Variants in ERBB4 observed in about 807,000 individuals in gnomAD.
ERBB4 encodes erb-b2 receptor tyrosine kinase 4.
Under a neutral mutation model 158.0 loss-of-function variants are expected in ERBB4, and 42 were observed. The observed-to-expected ratio is 0.27, with a 90% CI of 0.21 to 0.34. ERBB4 has a LOEUF of 0.34. ERBB4 is among the 10% of genes least tolerant of loss of function. The pLI is 1.00. For missense variants in ERBB4, 1,333 were observed against 1,624.1 expected (o/e 0.82, Z 3.08); for synonymous variants, 583 against 558.7 (o/e 1.04, Z -0.61).
chr2:212,445,092 G>C (rs62186286), intron 1 of ERBB4, among the ~76,000 whole-genome samples: 32,592 of 151,722 alleles, frequency 0.21, 3,751 homozygotes, highest in Non-Finnish European at 0.25. Flanking sequence ...GGAATTCACT[G>C]GTCTTACCAT....
chr2:212,530,576 G>T (rs1305603602), intron 1 of ERBB4, among the ~76,000 whole-genome samples: 1 of 152,068 alleles, frequency 6.6e-6, no homozygotes, highest in Non-Finnish European at 1.5e-5. Context: ...GCCACTTATT[G>T]CTCAAGTCAC....
At chr2:212,391,713 G>C (rs2090872096) in intron 1 of ERBB4, among the ~76,000 whole-genome samples, 1 of 123,862 alleles carries the variant, frequency 8.1e-6, no homozygotes, top group Non-Finnish European at 1.6e-5. Flanking sequence ...TATATATATT[G>C]ACATATATAT....
At chr2:212,488,057 T>C (rs979250914) in intron 1 of ERBB4, among the ~76,000 whole-genome samples, 1 of 152,172 alleles carries the variant, frequency 6.6e-6, no homozygotes, top group Non-Finnish European at 1.5e-5. Context: ...TCCTCTGAAA[T>C]GTGGCTTCTA....
At chr2:212,069,619 A>G (rs2078051526) in intron 2 of ERBB4, among the ~76,000 whole-genome samples, 1 of 152,094 alleles carries the variant, frequency 6.6e-6, no homozygotes, top group African/African-American at 2.4e-5. Flanking sequence ...GATTGGAATG[A>G]AGAAGAAAAG....
Position 211,383,242 on chromosome 2 carries a change from T to TAAA in ERBB4, c.*370_*372dup, listed in dbSNP as rs878944435. Reference sequence around the variant, plus strand: ...GCATGGGTGTTTCAACCATCTGCTTTAAAAAAAAAAAAAAAAAAGAAGAGG... The same window carrying TAAA: ...GCATGGGTGTTTCAACCATCTGCTTTAAAAAAAAAAAAAAAAAAAAAGAAGAGG... On this transcript the variant is annotated 3_prime_UTR_variant, in exon 28 of 28. Coordinates refer to ENST00000342788, the MANE Select transcript of ERBB4 (RefSeq NM_005235.3). The TAAA allele has an allele frequency of 3.3e-4, 71 of 216,660 alleles. No individual in the cohort carries two copies. Among genetic ancestry groups the TAAA allele is most frequent in the African/African-American group, 1.5e-3 (53 of 34,310 alleles). 13.4% of individuals were successfully genotyped at this position (216,660 alleles called of 1,614,324 possible). A position where few individuals can be genotyped will look rare whatever the true frequency, so the allele number is the denominator to read the frequency against.
At chr2:212,377,127 G>A (rs1434651433) in intron 1 of ERBB4, among the ~76,000 whole-genome samples, 2 of 151,030 alleles carry the variant, frequency 1.3e-5, no homozygotes, top group East Asian at 1.9e-4. Flanking sequence ...TAGCTCTTAC[G>A]TGATACTGTA....
In ERBB4 at chr2:211,428,487, T is replaced by C. The variant is rs773220688; in HGVS notation, c.2644-4A>G. 2.3e-5 allele frequency: 35 copies of C among 1,498,408 alleles called. No homozygotes were observed. In the Middle Eastern group the frequency reaches 1.0e-3, roughly 44 times the overall value. The allele number at this position is 1,498,408 out of a possible 1,614,324, so 92.8% of individuals were successfully genotyped here. A position where few individuals can be genotyped will look rare whatever the true frequency, so the allele number is the denominator to read the frequency against. On this transcript the variant is annotated splice_polypyrimidine_tract_variant and splice_region_variant and intron_variant, in intron 21 of 27. Coordinates refer to ENST00000342788, the MANE Select transcript of ERBB4 (RefSeq NM_005235.3). Reference sequence around the variant, plus strand: ...GAGCCATCCATTTAATTGGCATCTATAGAGAAGTAAGAAGTAAAAGTTTTA... The same window carrying C: ...GAGCCATCCATTTAATTGGCATCTACAGAGAAGTAAGAAGTAAAAGTTTTA...
intron 1 of ERBB4, among the ~76,000 whole-genome samples, chr2:212,465,476 A>G (rs945696649): frequency 6.6e-6 from 1 of 152,196 alleles, no homozygotes; most frequent in Non-Finnish European, 1.5e-5. Flanking sequence ...TATAATTTAC[A>G]AAGTGTTTTC....
intron 3 of ERBB4, among the ~76,000 whole-genome samples, chr2:211,866,900 G>T (rs975823542): frequency 4.6e-5 from 7 of 151,392 alleles, no homozygotes; most frequent in African/African-American, 1.7e-4. Context: ...AAAAAAGGGG[G>T]ACCTCCTCTT....
At chr2:211,866,173 C>A (rs2078201472) in intron 3 of ERBB4, among the ~76,000 whole-genome samples, 1 of 152,090 alleles carries the variant, frequency 6.6e-6, no homozygotes, top group Non-Finnish European at 1.5e-5. Flanking sequence ...ATCGCCTGTA[C>A]CCGGGAGGCG....
intron 3 of ERBB4, among the ~76,000 whole-genome samples, chr2:211,801,687 TAA>T (rs1425460668): frequency 6.6e-6 from 1 of 152,094 alleles, no homozygotes; most frequent in Non-Finnish European, 1.5e-5. Context: ...TAAAGTAAAA[TAA>T]GAGAAAATAT....
At chr2:212,158,216 A>G (rs1411485488) in intron 1 of ERBB4, among the ~76,000 whole-genome samples, 2 of 151,988 alleles carry the variant, frequency 1.3e-5, no homozygotes, top group Non-Finnish European at 2.9e-5. Flanking sequence ...CAAATGCAAA[A>G]ATAGAAGTGA....
chr2:212,503,535 A>G (rs1575042228), intron 1 of ERBB4, among the ~76,000 whole-genome samples: 1 of 152,160 alleles, frequency 6.6e-6, no homozygotes, highest in South Asian at 2.1e-4. Context: ...ACTTTTTGTT[A>G]CCAAATTCAG....
chr2:211,619,071 A>G, intron 19 of ERBB4, 106 bp downstream of exon 19: 2 of 721,262 alleles, frequency 2.8e-6, no homozygotes, highest in Non-Finnish European at 2.5e-6. Flanking sequence ...ATATTTCCAT[A>G]AGAGAAATTT....
chr2:211,651,526 T>C (rs906703914), intron 16 of ERBB4, among the ~76,000 whole-genome samples: 2 of 152,212 alleles, frequency 1.3e-5, no homozygotes, highest in African/African-American at 4.8e-5. Context: ...TTTGCAGATG[T>C]AATTAAGGTC....
intron 1 of ERBB4, among the ~76,000 whole-genome samples, chr2:212,385,453 C>G (rs1415989896): frequency 6.6e-6 from 1 of 151,750 alleles, no homozygotes; most frequent in African/African-American, 2.4e-5. Flanking sequence ...TGTGAGTCAA[C>G]ATCCCATTCA....
chr2:212,533,915 T>C lies in ERBB4; in HGVS notation c.82+4534A>G, dbSNP rs371507681. Among the ~76,000 whole-genome samples the C allele has an allele frequency of 1.2e-4, 19 of 152,290 alleles. 1 individual carries two copies. Among genetic ancestry groups the C allele is most frequent in the African/African-American group, 3.6e-4 (15 of 41,584 alleles). On this transcript the variant is annotated intron_variant, in intron 1 of 27. Coordinates refer to ENST00000342788, the MANE Select transcript of ERBB4 (RefSeq NM_005235.3). ...TAGAACAGATGTAGGCTTGAACCTC[T>C]AAAAACTAATTTCAGTACAAATATT...
intron 1 of ERBB4, among the ~76,000 whole-genome samples, chr2:212,381,100 T>A (rs1039506779): frequency 1.3e-5 from 2 of 151,416 alleles, no homozygotes; most frequent in Non-Finnish European, 3.0e-5. Flanking sequence ...AGATTTAAAT[T>A]AATTATTGCT....
intron 3 of ERBB4, among the ~76,000 whole-genome samples, chr2:211,839,185 GAGGAGGAGGGAAA>G (rs1291728791): frequency 7.6e-6 from 1 of 132,308 alleles, no homozygotes; most frequent in Admixed American, 7.4e-5. Flanking sequence ...GGAGGAGGAG[GAGGAGGAGGGAAA>G]GAAAGAAAGA....
Sources: allele counts gnomAD v4.1 joint callset (sites outside exome capture counted in the v4.1 genomes callset), GRCh38; gene constraint gnomAD v4.1.1; transcripts MANE v1.5; gene names NCBI Gene and HGNC (gene_info 2026-07-23, HGNC 2026-07-21).